DGKI: variants seen among roughly 807,000 people sequenced by gnomAD.
DGKI encodes the protein diacylglycerol kinase iota, also known as DAG kinase iota.
A neutral mutation model predicts 147.5 loss-of-function variants in DGKI; 55 were observed. The ratio of observed to expected loss-of-function variants is 0.37; its 90% CI spans 0.30 to 0.47. The LOEUF (loss-of-function observed/expected upper bound fraction) is 0.47, where lower values mean the gene tolerates loss of function less well. DGKI is among the 20% of genes least tolerant of loss of function. The probability of loss-of-function intolerance (pLI) is 1.00; values close to 1 mark genes in which losing one functional copy is unlikely to be tolerated. For synonymous variants in DGKI, 469 were observed against 477.1 expected (o/e 0.98, Z 0.22); for missense variants, 1,007 against 1,323.8 (o/e 0.76, Z 3.71).
At chr7:137,396,855 C>G (rs1418632651) in intron 31 of DGKI, among the ~76,000 whole-genome samples, 1 of 152,204 alleles carries the variant, frequency 6.6e-6, no homozygotes, top group African/African-American at 2.4e-5. Context: ...GAGCTGATGA[C>G]TTTTTCAATC....
intron 10 of DGKI, among the ~76,000 whole-genome samples, chr7:137,602,496 C>G (rs2128990385): frequency 6.6e-6 from 1 of 152,258 alleles, no homozygotes; most frequent in Non-Finnish European, 1.5e-5. Context: ...ATGATTACAT[C>G]TTTTAAAAAG....
At chr7:137,691,809 T>TTTGTTTTGTTTTTTTG (rs796084236) in intron 1 of DGKI, among the ~76,000 whole-genome samples, 2 of 141,012 alleles carry the variant, frequency 1.4e-5, no homozygotes, top group African/African-American at 5.6e-5. Flanking sequence ...TTTTTTTTTT[T>TTTGTTTTGTTTTTTTG]TTTTTTTTTT....
intron 27 of DGKI, among the ~76,000 whole-genome samples, chr7:137,445,704 A>C (rs28687532): frequency 0.36 from 54,444 of 151,958 alleles, 10,700 homozygotes; most frequent in East Asian, 0.66. Context: ...ATGTTACTGT[A>C]AAACCATCCT....
At chr7:137,449,802 A>C (rs1813880110) in intron 27 of DGKI, among the ~76,000 whole-genome samples, 1 of 152,250 alleles carries the variant, frequency 6.6e-6, no homozygotes, top group Non-Finnish European at 1.5e-5. Flanking sequence ...AAAGAATGTG[A>C]AACCAGCATG....
chr7:137,437,037 C>A (rs761886101), intron 28 of DGKI, among the ~76,000 whole-genome samples: 1 of 152,156 alleles, frequency 6.6e-6, no homozygotes, highest in African/African-American at 2.4e-5. Context: ...GACCACCTGG[C>A]AGTGAACTTC....
chr7:137,493,357 G>A (rs979723383), intron 21 of DGKI, among the ~76,000 whole-genome samples: 4 of 152,210 alleles, frequency 2.6e-5, no homozygotes, highest in African/African-American at 9.6e-5. Context: ...TCCAGCTGAT[G>A]AGCATGCATG....
intron 30 of DGKI, among the ~76,000 whole-genome samples, 182 bp from the exon 31 acceptor site, chr7:137,397,595 T>C (rs185071910): frequency 2.4e-3 from 362 of 152,302 alleles, no homozygotes; most frequent in African/African-American, 8.2e-3. Flanking sequence ...CCAATCTCCA[T>C]GAACCAATAT....
At chr7:137,781,215 C>A (rs1427976656) in intron 1 of DGKI, among the ~76,000 whole-genome samples, 4 of 152,078 alleles carry the variant, frequency 2.6e-5, no homozygotes, top group Non-Finnish European at 5.9e-5. Flanking sequence ...AAAGGCATAG[C>A]AGAAATTAGC....
chr7:137,729,548 A>G (rs1794808964), intron 1 of DGKI, among the ~76,000 whole-genome samples: 1 of 152,168 alleles, frequency 6.6e-6, no homozygotes, highest in South Asian at 2.1e-4. Context: ...TATAAAAAGA[A>G]CACAGACTTT....
At chr7:137,445,924 T>C (rs1486293519) in intron 27 of DGKI, among the ~76,000 whole-genome samples, 1 of 152,124 alleles carries the variant, frequency 6.6e-6, no homozygotes, top group Non-Finnish European at 1.5e-5. Context: ...GAAATGAAAT[T>C]AGAAGCTGAA....
At chr7:137,520,926 A>G (rs576987919) in intron 21 of DGKI, among the ~76,000 whole-genome samples, 28 of 151,994 alleles carry the variant, frequency 1.8e-4, no homozygotes, top group Non-Finnish European at 3.7e-4. Flanking sequence ...CCTCTTTTAC[A>G]CAGGTAGCCA....
chr7:137,702,014 T>C (rs1303626967), intron 1 of DGKI, among the ~76,000 whole-genome samples: 1 of 152,152 alleles, frequency 6.6e-6, no homozygotes, highest in Non-Finnish European at 1.5e-5. Context: ...CCCCCACATG[T>C]ACAGCTTCAA....
At chr7:137,757,135 G>A (rs1482538067) in intron 1 of DGKI, among the ~76,000 whole-genome samples, 1 of 151,890 alleles carries the variant, frequency 6.6e-6, no homozygotes, top group East Asian at 1.9e-4. Flanking sequence ...TGGTGCCCTG[G>A]GTACCAACAC....
chr7:137,775,338 G>A (rs952714477), intron 1 of DGKI, among the ~76,000 whole-genome samples: 2 of 152,148 alleles, frequency 1.3e-5, no homozygotes, highest in African/African-American at 4.8e-5. Flanking sequence ...ACTCATTCCA[G>A]GCAAGGAAAT....
chr7:137,586,182 T>G (rs1039791522), intron 13 of DGKI, among the ~76,000 whole-genome samples: 1 of 152,054 alleles, frequency 6.6e-6, no homozygotes, highest in African/African-American at 2.4e-5. Flanking sequence ...ATCCCAGCAC[T>G]TTGGGAGGCT....
chr7:137,563,773 CATT>C (rs1818493549), intron 19 of DGKI, among the ~76,000 whole-genome samples: 2 of 151,988 alleles, frequency 1.3e-5, no homozygotes, highest in Non-Finnish European at 2.9e-5. Context: ...AGCTACAAAA[CATT>C]GTTGATGGAT....
At chr7:137,569,375 C>T (rs761229752) in intron 19 of DGKI, among the ~76,000 whole-genome samples, 10 of 152,004 alleles carry the variant, frequency 6.6e-5, no homozygotes, top group Admixed American at 3.3e-4. Context: ...AAGTAACCCA[C>T]GTATGGACAG....
At position 137,632,449 on chromosome 7, in the gene DGKI, A is replaced by G. The variant is rs74727385; in HGVS notation, c.805-8895T>C. Among the ~76,000 whole-genome samples the G allele has an allele frequency of 9.2e-5, 14 of 152,322 alleles. No individual in the cohort carries two copies. The East Asian group carries it at 2.7e-3, about 29-fold the overall frequency. ...TACATCCATTAACTTGGGTAGTTGTATGCTGAGGAGAGAGAGAAATGTCCA... is the reference window on the plus strand; with the variant it reads ...TACATCCATTAACTTGGGTAGTTGTGTGCTGAGGAGAGAGAGAAATGTCCA... On this transcript the variant is annotated intron_variant, in intron 6 of 32. Coordinates refer to ENST00000614521, the MANE Select transcript of DGKI (RefSeq NM_001321708.2).
intron 20 of DGKI, among the ~76,000 whole-genome samples, chr7:137,543,755 A>AC (rs1817776977): frequency 6.6e-6 from 1 of 152,200 alleles, no homozygotes; most frequent in African/African-American, 2.4e-5. Context: ...CTTCTACAGG[A>AC]CCAAAGCAAT....
Sources: gnomAD v4.1 joint callset for allele counts (sites outside exome capture counted in the v4.1 genomes callset) on GRCh38, gnomAD v4.1.1 for gene constraint, MANE v1.5 for transcripts, NCBI Gene and HGNC (gene_info 2026-07-23, HGNC 2026-07-21) for gene names.